The following FOXN3 variants were observed in gnomAD, a reference collection of about 807,000 sequenced individuals.
The protein encoded by FOXN3 is forkhead box protein N3.
In FOXN3, 7 loss-of-function variants were observed where a neutral mutation model predicts 38.4. The ratio of observed to expected loss-of-function variants is 0.18; its 90% CI spans 0.10 to 0.34. The LOEUF (loss-of-function observed/expected upper bound fraction) is 0.34. FOXN3 is among the 10% of genes least tolerant of loss of function. FOXN3 has a pLI of 1.00. For synonymous variants in FOXN3, 230 were observed against 242.2 expected (o/e 0.95, Z 0.47); for missense variants, 456 against 613.4 (o/e 0.74, Z 2.71).
At chr14:89,571,251 G>A (rs1397794968) in intron 1 of FOXN3, among the ~76,000 whole-genome samples, 1 of 152,188 alleles carries the variant, frequency 6.6e-6, no homozygotes, top group Non-Finnish European at 1.5e-5. Context: ...GCTCACGCCT[G>A]TAATCCCAGC....
At chr14:89,581,021 A>C (rs1895728502) in intron 1 of FOXN3, among the ~76,000 whole-genome samples, 1 of 21,450 alleles carries the variant, frequency 4.7e-5, no homozygotes, top group Admixed American at 9.3e-4. Context: ...CATCTCTACA[A>C]AAAAAAAAAA....
At chr14:89,331,014 G>A (rs543945204) in intron 3 of FOXN3, among the ~76,000 whole-genome samples, 54 of 152,132 alleles carry the variant, frequency 3.5e-4, no homozygotes, top group Non-Finnish European at 6.3e-4. Context: ...CTTCTTTTGC[G>A]CCTAGATTCA....
intron 4 of FOXN3, among the ~76,000 whole-genome samples, chr14:89,192,196 T>C (rs908942710): frequency 1.4e-5 from 2 of 146,714 alleles, no homozygotes; most frequent in Non-Finnish European, 3.0e-5. Context: ...TTAACTACAA[T>C]GCACATTAAA....
At chr14:89,378,400 G>A (rs1334181900) in intron 2 of FOXN3, among the ~76,000 whole-genome samples, 2 of 152,160 alleles carry the variant, frequency 1.3e-5, no homozygotes, top group Non-Finnish European at 2.9e-5. Context: ...GACAGGTCTG[G>A]GGACAGCCCT....
At chr14:89,410,300 G>A (rs972441317) in intron 2 of FOXN3, among the ~76,000 whole-genome samples, 21 of 152,092 alleles carry the variant, frequency 1.4e-4, no homozygotes, top group Admixed American at 6.6e-5. Flanking sequence ...GAAGGCCCCA[G>A]CCCCGCACAG....
At chr14:89,237,168 G>A (rs749244522) in intron 4 of FOXN3, among the ~76,000 whole-genome samples, 1 of 152,152 alleles carries the variant, frequency 6.6e-6, no homozygotes, top group Non-Finnish European at 1.5e-5. Context: ...TAGAAAGTGA[G>A]CAAAAGACAT....
rs541036673 is a variant in FOXN3, at chr14:89,203,925, C to T, written c.746-23119G>A. ...CAGCATTGGTGCTCTGGTTACCCTGCTCCCAGACTAAAAGTCACAAGGCCA... is the reference window on the plus strand; with the variant it reads ...CAGCATTGGTGCTCTGGTTACCCTGTTCCCAGACTAAAAGTCACAAGGCCA... On this transcript the variant is annotated intron_variant, in intron 4 of 5. Coordinates refer to ENST00000557258, the MANE Select transcript of FOXN3 (RefSeq NM_005197.4). Among the ~76,000 whole-genome samples the T allele has an allele frequency of 7.1e-4, 108 of 152,220 alleles. 1 individual carries two copies. In the South Asian group the frequency reaches 0.021, roughly 30 times the overall value.
At chr14:89,563,653 G>A (rs1895292869) in intron 1 of FOXN3, among the ~76,000 whole-genome samples, 1 of 152,136 alleles carries the variant, frequency 6.6e-6, no homozygotes, top group South Asian at 2.1e-4. Context: ...TGCCACTTGA[G>A]AGAGCAAGAG....
intron 1 of FOXN3, among the ~76,000 whole-genome samples, chr14:89,465,255 GAGT>G (rs1892952577): frequency 6.6e-6 from 1 of 152,060 alleles, no homozygotes; most frequent in South Asian, 2.1e-4. Flanking sequence ...TTTGAAGACA[GAGT>G]CTTGCTCTGT....
At chr14:89,369,365 T>C (rs913770044) in intron 2 of FOXN3, among the ~76,000 whole-genome samples, 10 of 152,202 alleles carry the variant, frequency 6.6e-5, no homozygotes, top group Non-Finnish European at 1.2e-4. Flanking sequence ...TAACTATTCA[T>C]ATTAACTTAC....
intron 5 of FOXN3, among the ~76,000 whole-genome samples, chr14:89,175,856 G>A (rs539283208): frequency 1.2e-4 from 19 of 152,106 alleles, no homozygotes; most frequent in Non-Finnish European, 2.4e-4. Context: ...TGAGATCCAG[G>A]GAGGTTGCTG....
At chr14:89,594,889 T>C (rs1239477132) in intron 1 of FOXN3, among the ~76,000 whole-genome samples, 1 of 152,062 alleles carries the variant, frequency 6.6e-6, no homozygotes, top group East Asian at 1.9e-4. Context: ...AAAGTACCTT[T>C]TCTACTCTTG....
intron 2 of FOXN3, among the ~76,000 whole-genome samples, chr14:89,365,613 G>A (rs1427563579): frequency 6.6e-6 from 1 of 152,076 alleles, no homozygotes; most frequent in Non-Finnish European, 1.5e-5. Flanking sequence ...AGCAAATAAG[G>A]GTTTAACTCT....
intron 4 of FOXN3, among the ~76,000 whole-genome samples, chr14:89,205,973 A>G (rs1379324805): frequency 6.6e-6 from 1 of 152,184 alleles, no homozygotes; most frequent in African/African-American, 2.4e-5. Flanking sequence ...AGCCCTCATA[A>G]AAGAGGCCCT....
chr14:89,539,147 CT>C (rs1283806633), intron 1 of FOXN3, among the ~76,000 whole-genome samples: 1 of 151,994 alleles, frequency 6.6e-6, no homozygotes, highest in African/African-American at 2.4e-5. Context: ...GGCCACTTTT[CT>C]TTTTTTTATT....
At chr14:89,513,905 TACACACAC>T (rs58182379) in intron 1 of FOXN3, among the ~76,000 whole-genome samples, 4 of 149,494 alleles carry the variant, frequency 2.7e-5, no homozygotes, top group African/African-American at 5.0e-5. Context: ...CTTTCTCTCT[TACACACAC>T]ACACACACAC....
At chr14:89,180,949 C>T (rs1887654268) in intron 4 of FOXN3, 143 bp from the exon 5 acceptor site, 1 of 488,618 alleles carries the variant, frequency 2.0e-6, no homozygotes, top group Non-Finnish European at 3.5e-6. Context: ...CACACACGTG[C>T]ACATACACAC....
chr14:89,464,233 C>A (rs1157807947), intron 1 of FOXN3, among the ~76,000 whole-genome samples: 1 of 152,124 alleles, frequency 6.6e-6, no homozygotes, highest in Non-Finnish European at 1.5e-5. Context: ...ATTCCTCTAC[C>A]TTCTTTCTGT....
At chr14:89,273,139 C>T (rs1443468040) in intron 4 of FOXN3, among the ~76,000 whole-genome samples, 2 of 152,192 alleles carry the variant, frequency 1.3e-5, no homozygotes, top group South Asian at 2.1e-4. Context: ...TCTCTGGACC[C>T]TTTTCCTCTT....
Sources: allele counts gnomAD v4.1 joint callset (sites outside exome capture counted in the v4.1 genomes callset), GRCh38; gene constraint gnomAD v4.1.1; transcripts MANE v1.5; gene names NCBI Gene and HGNC (gene_info 2026-07-23, HGNC 2026-07-21).